TIMM23: variants seen among roughly 807,000 people sequenced by gnomAD.
TIMM23 encodes translocase of inner mitochondrial membrane 23.
TIMM23 carries 19 observed loss-of-function variants against 30.7 expected under a neutral mutation model. The ratio of observed to expected loss-of-function variants is 0.62; its 90% CI spans 0.43 to 0.91. TIMM23 has a LOEUF of 0.91. Ranked by LOEUF, TIMM23 falls within the 40% of genes least tolerant of loss-of-function variation. The pLI is 0.00. For missense variants in TIMM23, 202 were observed against 269.2 expected, an observed-to-expected ratio of 0.75 and a Z score of 1.75; for synonymous variants, 78 against 98.5, an observed-to-expected ratio of 0.79 and a Z score of 1.23.
chr10:45,995,204 T>C (rs1228919436), intron 6 of TIMM23, among the ~76,000 whole-genome samples: 100 of 152,144 alleles, frequency 6.6e-4, no homozygotes, highest in Non-Finnish European at 1.8e-4. Flanking sequence ...TTGGAGGTGT[T>C]CCAGACTATG....
chr10:45,977,852 T>C (rs1383966329), intron 2 of TIMM23, among the ~76,000 whole-genome samples: 4 of 150,528 alleles, frequency 2.7e-5, no homozygotes, highest in Non-Finnish European at 4.4e-5. Flanking sequence ...GCCAACATGG[T>C]GAAACCCCAT....
intron 1 of TIMM23, among the ~76,000 whole-genome samples, 163 bp from the exon 2 acceptor site, chr10:45,975,291 G>T (rs1327016011): frequency 6.6e-6 from 1 of 152,110 alleles, no homozygotes; most frequent in East Asian, 1.9e-4. Flanking sequence ...GGATGAGTCA[G>T]CCCCCAAACT....
intron 2 of TIMM23, 120 bp downstream of exon 2, chr10:45,975,632 T>G: frequency 7.6e-7 from 1 of 1,315,432 alleles, no homozygotes; most frequent in African/African-American, 1.5e-5. Flanking sequence ...CTGGTCTCCA[T>G]TCACCCTTTT....
At chr10:45,974,172 G>GTT (rs1165250520) in intron 1 of TIMM23, among the ~76,000 whole-genome samples, 1 of 138,676 alleles carries the variant, frequency 7.2e-6, no homozygotes, top group African/African-American at 2.7e-5. Flanking sequence ...GGTTTTTTTT[G>GTT]TTTTTTTTTG....
intron 6 of TIMM23, chr10:46,002,533 T>C: frequency 1.0e-6 from 1 of 980,438 alleles, no homozygotes; most frequent in South Asian, 4.7e-5. Context: ...TTAATACTCT[T>C]TCCAAATAGG....
At chr10:45,997,334 A>T (rs1370869017) in intron 6 of TIMM23, among the ~76,000 whole-genome samples, 2 of 564 alleles carry the variant, frequency 3.5e-3, no homozygotes, top group Non-Finnish European at 4.8e-3. Flanking sequence ...GGCCATCTAT[A>T]AAAAAAAATG....
chr10:45,990,220 T>C (rs1345642897), intron 6 of TIMM23, among the ~76,000 whole-genome samples: 1 of 150,912 alleles, frequency 6.6e-6, no homozygotes, highest in Admixed American at 6.6e-5. Flanking sequence ...CCTCCTGGGA[T>C]CAAGCAGTTC....
chr10:45,982,988 T>G, intron 4 of TIMM23, 58 bp downstream of exon 4: 2 of 1,609,126 alleles, frequency 1.2e-6, no homozygotes, highest in Non-Finnish European at 1.7e-6. Flanking sequence ...TCTGTTGTAT[T>G]GGTTTGATGA....
chr10:45,999,071 G>A (rs1288797012), intron 6 of TIMM23, among the ~76,000 whole-genome samples: 2 of 152,116 alleles, frequency 1.3e-5, no homozygotes, highest in African/African-American at 2.4e-5. Flanking sequence ...GACCTCAAGT[G>A]ATTTGCCCAC....
chr10:45,981,473 A>G (rs1196530557), intron 2 of TIMM23, among the ~76,000 whole-genome samples: 2 of 151,864 alleles, frequency 1.3e-5, no homozygotes, highest in Non-Finnish European at 2.9e-5. Context: ...ATCTATTCAG[A>G]TTTTATTATT....
At chr10:45,994,455 GC>G (rs1346143253) in intron 6 of TIMM23, among the ~76,000 whole-genome samples, 13 of 130,814 alleles carry the variant, frequency 9.9e-5, no homozygotes, top group Non-Finnish European at 2.1e-4. Flanking sequence ...ACTATGTTGA[GC>G]CCTTCCTTTT....
chr10:45,988,988 T>G, intron 6 of TIMM23, 141 bp downstream of exon 6: 3 of 836,576 alleles, frequency 3.6e-6, no homozygotes, highest in Non-Finnish European at 3.8e-6. Flanking sequence ...TGGTTTGGTT[T>G]TTAATTGTGG....
At chr10:45,972,771 T>TC (rs1837532170) in intron 1 of TIMM23, 41 bp downstream of exon 1, 1 of 1,610,122 alleles carries the variant, frequency 6.2e-7, no homozygotes, top group Non-Finnish European at 8.5e-7. Context: ...CTGACTGGTT[T>TC]TTGCGTCTAC....
At chr10:45,990,276 T>C (rs71205701) in intron 6 of TIMM23, among the ~76,000 whole-genome samples, 90,128 of 151,330 alleles carry the variant, frequency 0.6, 27,261 homozygotes, top group Admixed American at 0.68. Flanking sequence ...GCACATACCA[T>C]CACATCTGGC....
chr10:45,987,593 C>A (rs1442125361), intron 5 of TIMM23, among the ~76,000 whole-genome samples: 1 of 149,100 alleles, frequency 6.7e-6, no homozygotes, highest in East Asian at 2.0e-4. Context: ...ACATACTTAA[C>A]ATTTGCGTAT....
At chr10:45,981,601 G>A (rs1490672859) in intron 2 of TIMM23, among the ~76,000 whole-genome samples, 1 of 152,018 alleles carries the variant, frequency 6.6e-6, no homozygotes, top group Non-Finnish European at 1.5e-5. Flanking sequence ...ACAGTTTTCT[G>A]ATTAGGAATA....
chr10:46,002,499 G>T (rs1189411498), intron 6 of TIMM23: 2 of 984,720 alleles, frequency 2.0e-6, no homozygotes, highest in Non-Finnish European at 2.4e-6. Flanking sequence ...ATATTTGGAG[G>T]ACCCATCCAG....
intron 5 of TIMM23, among the ~76,000 whole-genome samples, chr10:45,987,439 C>G (rs1838022228): frequency 6.6e-6 from 1 of 151,948 alleles, no homozygotes; most frequent in Non-Finnish European, 1.5e-5. Flanking sequence ...AAACTGAGCC[C>G]CACTTTGGAT....
At chr10:45,998,503 C>A in intron 6 of TIMM23, 1 of 553,002 alleles carries the variant, frequency 1.8e-6, no homozygotes, top group Non-Finnish European at 2.3e-6. Context: ...ACTTCCTGTG[C>A]TTAGTTGTGT....
Sources: allele counts gnomAD v4.1 joint callset (sites outside exome capture counted in the v4.1 genomes callset), GRCh38; gene constraint gnomAD v4.1.1; transcripts MANE v1.5; gene names NCBI Gene and HGNC (gene_info 2026-07-23, HGNC 2026-07-21).